Variants in PDE1A observed in about 807,000 individuals in gnomAD.
The protein encoded by PDE1A is dual specificity calcium/calmodulin-dependent 3',5'-cyclic nucleotide phosphodiesterase 1A.
In PDE1A, 35 loss-of-function variants were observed where a neutral mutation model predicts 61.7. The ratio of observed to expected loss-of-function variants is 0.57; its 90% CI spans 0.43 to 0.75. The LOEUF is 0.75. Among genes scored for constraint, PDE1A ranks in the 30% least tolerant of loss-of-function variants. PDE1A has a pLI of 0.00. For synonymous variants in PDE1A, 232 were observed against 213.2 expected, an observed-to-expected ratio of 1.09 and a Z score of -0.77; for missense variants, 597 against 630.6, an observed-to-expected ratio of 0.95 and a Z score of 0.57.
At chr2:182,570,377 A>C in the PDE1A span, among the ~76,000 whole-genome samples, 1 of 152,242 alleles carries the variant, frequency 6.6e-6, no homozygotes, top group East Asian at 1.9e-4. Flanking sequence ...TGGTAACCAA[A>C]GTGAAAGAGA....
exon 14 of PDE1A, chr2:182,147,075 G>T (rs199951955): frequency 1.3e-6 from 2 of 1,586,170 alleles, no homozygotes; most frequent in Non-Finnish European, 1.7e-6. Flanking sequence ...AAGGTGTTTC[G>T]GGCCTATGAA....
chr2:182,237,752 C>T (rs1395845343), intron 3 of PDE1A, among the ~76,000 whole-genome samples: 1 of 152,102 alleles, frequency 6.6e-6, no homozygotes, highest in Admixed American at 6.5e-5. Flanking sequence ...AGGGCCAGCC[C>T]GCCATGTTGA....
chr2:182,258,690 GC>G (rs984328639), intron 2 of PDE1A, among the ~76,000 whole-genome samples: 3 of 152,116 alleles, frequency 2.0e-5, no homozygotes, highest in African/African-American at 7.2e-5. Flanking sequence ...GGAGAGCTTT[GC>G]CAGAGAACAA....
chr2:182,265,946 T>C (rs1692605694), intron 1 of PDE1A, among the ~76,000 whole-genome samples: 1 of 152,126 alleles, frequency 6.6e-6, no homozygotes, highest in African/African-American at 2.4e-5. Context: ...TTCCTAGCAA[T>C]TTATTTTGGA....
intron 1 of PDE1A, among the ~76,000 whole-genome samples, chr2:182,305,813 G>A (rs546501396): frequency 1.3e-5 from 2 of 151,914 alleles, no homozygotes; most frequent in East Asian, 3.9e-4. Flanking sequence ...TATGATATAG[G>A]TATACAAAGT....
chr2:182,590,013 A>C, the PDE1A span, among the ~76,000 whole-genome samples: 1 of 152,198 alleles, frequency 6.6e-6, no homozygotes, highest in African/African-American at 2.4e-5. Context: ...GTCAACATTA[A>C]GCAATATGTA....
At position 182,385,640 on chromosome 2, in the gene PDE1A, G is replaced by GAAGAAGAAAGAAAGAAAGAAAGA. The variant is rs1700994282; in HGVS notation, c.53+40937_53+40938insTCTTTCTTTCTTTCTTTCTTCTT. Among the ~76,000 whole-genome samples, 28 of 70,486 alleles carry GAAGAAGAAAGAAAGAAAGAAAGA rather than the reference G, an allele frequency of 4.0e-4. 2 individuals carry two copies. The highest frequency in any genetic ancestry group is 6.9e-3 in the Middle Eastern group (1 of 144). The allele number at this position is 70,486 out of a possible 152,430, so 46.2% of individuals were successfully genotyped here. A position where few individuals can be genotyped will look rare whatever the true frequency, so the allele number is the denominator to read the frequency against. ...GAAACAGAAAGAAAGAAAGAAAGAA[G>GAAGAAGAAAGAAAGAAAGAAAGA]AAGAAAGAAAGAAAGAAAGAAGAAA... On this transcript the variant is annotated intron_variant, in intron 1 of 13. Transcript: ENST00000351439.
chr2:182,591,897 T>C, the PDE1A span, among the ~76,000 whole-genome samples: 55 of 152,344 alleles, frequency 3.6e-4, no homozygotes, highest in African/African-American at 1.2e-3. Context: ...ATTTCTAACA[T>C]TGCTTACAAC....
chr2:182,462,710 G>T (rs1383557586), intron 2 of PDE1A, among the ~76,000 whole-genome samples: 1 of 151,866 alleles, frequency 6.6e-6, no homozygotes, highest in Admixed American at 6.6e-5. Flanking sequence ...AGTGAGAGGG[G>T]ACACATATGT....
intron 13 of PDE1A, among the ~76,000 whole-genome samples, chr2:182,180,296 G>C (rs1029925287): frequency 2.0e-5 from 3 of 152,044 alleles, no homozygotes. Context: ...ATGAACTTTT[G>C]TGTGTCTAGT....
At chr2:182,290,689 T>C (rs1363334093) in intron 1 of PDE1A, among the ~76,000 whole-genome samples, 1 of 152,036 alleles carries the variant, frequency 6.6e-6, no homozygotes, top group African/African-American at 2.4e-5. Context: ...TAGAGCCTTT[T>C]ACTGTTTCCT....
intron 1 of PDE1A, among the ~76,000 whole-genome samples, chr2:182,398,817 A>T (rs2125434410): frequency 6.6e-6 from 1 of 152,180 alleles, no homozygotes; most frequent in South Asian, 2.1e-4. Context: ...ACTTTTAGAA[A>T]TCTTAAATTT....
chr2:182,470,358 A>G (rs1048761194), intron 2 of PDE1A, among the ~76,000 whole-genome samples: 7 of 151,852 alleles, frequency 4.6e-5, no homozygotes, highest in Non-Finnish European at 7.4e-5. Context: ...ATCAAACTCA[A>G]TGGTGTTAAT....
intron 2 of PDE1A, among the ~76,000 whole-genome samples, chr2:182,487,674 A>G (rs985141422): frequency 6.6e-6 from 1 of 152,176 alleles, no homozygotes; most frequent in African/African-American, 2.4e-5. Context: ...GATGGGTAGG[A>G]GTGGGCCATG....
At chr2:182,260,040 T>G (rs1351361851) in intron 2 of PDE1A, among the ~76,000 whole-genome samples, 2 of 152,236 alleles carry the variant, frequency 1.3e-5, no homozygotes, top group Admixed American at 1.3e-4. Flanking sequence ...TGTGCTATTA[T>G]CTCCACTAAG....
At chr2:182,159,399 G>T (rs1368045467) in intron 13 of PDE1A, among the ~76,000 whole-genome samples, 1 of 152,150 alleles carries the variant, frequency 6.6e-6, no homozygotes, top group Non-Finnish European at 1.5e-5. Flanking sequence ...GGATTTGGGA[G>T]ATATTTGGGG....
At chr2:182,431,204 G>A (rs1353435743), upstream of PDE1A, among the ~76,000 whole-genome samples, 1 of 146,860 alleles carries the variant, frequency 6.8e-6, no homozygotes, top group African/African-American at 2.5e-5. Context: ...CTAGCCTTGT[G>A]TATGATTAGA....
chr2:182,445,824 T>G (rs894110844), intron 2 of PDE1A, among the ~76,000 whole-genome samples: 4 of 152,242 alleles, frequency 2.6e-5, no homozygotes, highest in Admixed American at 1.3e-4. Context: ...AAACCGCACA[T>G]GCTTCCTAGA....
intron 1 of PDE1A, among the ~76,000 whole-genome samples, chr2:182,375,793 TC>T (rs2125276030): frequency 6.6e-6 from 1 of 152,344 alleles, no homozygotes. Context: ...TGCCTGGGCA[TC>T]CAGGCATTTC....
Sources: allele counts gnomAD v4.1 joint callset (sites outside exome capture counted in the v4.1 genomes callset), GRCh38; gene constraint gnomAD v4.1.1; transcripts MANE v1.5; gene names NCBI Gene and HGNC (gene_info 2026-07-23, HGNC 2026-07-21).